Variants in ECE2 observed in about 807,000 individuals in gnomAD.
The protein encoded by ECE2 is endothelin converting enzyme 2.
ECE2 carries 81 observed loss-of-function variants against 100.6 expected under a neutral mutation model. The observed-to-expected ratio is 0.81, with a 90% CI of 0.67 to 0.97. The LOEUF is 0.97. ECE2 is among the 50% of genes least tolerant of loss of function. The pLI, the probability that ECE2 is intolerant of heterozygous loss-of-function variation, is 0.00. For missense variants in ECE2, 911 were observed against 988.1 expected (o/e 0.92, Z 1.05); for synonymous variants, 391 against 391.5 (o/e 1.00, Z 0.02).
chr3:184,289,473 G>C lies in ECE2; in HGVS notation c.1411G>C (p.Glu471Gln). ...GATCAGCGAAATCCGGACCGCATTT[G>C]AGGAGGCCCTGGGACAGCTGGTTTG... ...GMISEIRTAF[E>Q]EALGQLVWMD... Residue 471 changes from glutamate (E) to glutamine (Q), a missense_variant, in exon 12 of 19, where the codon GAG becomes CAG. By Grantham distance (29) the Glu-to-Gln change is conservative (BLOSUM62 2). Transcript: ENST00000404464. This position sits in a 1 kb window ranked among gnomAD's most constrained non-coding sequence, Gnocchi z 4.1. 1.2e-6 allele frequency: 2 copies of C among 1,611,638 alleles called. No homozygotes were observed. Among genetic ancestry groups the C allele is most frequent in the Non-Finnish European group, 1.7e-6 (2 of 1,179,038 alleles).
At chr3:184,287,447 T>G (rs1721106379) in intron 10 of ECE2, among the ~76,000 whole-genome samples, 1 of 152,112 alleles carries the variant, frequency 6.6e-6, no homozygotes, top group Non-Finnish European at 1.5e-5. Context: ...ATCCCAGCAC[T>G]TTGGGAGGCC....
At chr3:184,280,756 A>C (rs924905330) in intron 7 of ECE2, among the ~76,000 whole-genome samples, 2 of 152,148 alleles carry the variant, frequency 1.3e-5, no homozygotes, top group African/African-American at 4.8e-5. Context: ...AGGCAGGTGG[A>C]TCACTTGAGG....
chr3:184,278,103 G>C, intron 5 of ECE2, 54 bp downstream of exon 5: 1 of 1,613,402 alleles, frequency 6.2e-7, no homozygotes, highest in Non-Finnish European at 8.5e-7. Flanking sequence ...CTTGAGAGAG[G>C]AGATGGCCCA....
At chr3:184,278,929 T>G in intron 7 of ECE2, 3 of 228,350 alleles carry the variant, frequency 1.3e-5, no homozygotes, top group Admixed American at 5.1e-5. Flanking sequence ...AGGAGAGACT[T>G]AGGGAGCCAG....
rs750168567 is a variant in ECE2 at position 184,285,448 on chromosome 3, C to G, written c.1149-30C>G. The G allele has an allele frequency of 2.6e-6, 4 of 1,549,024 alleles. No homozygotes were observed. The Admixed American group carries it at 6.7e-5, about 26-fold the overall frequency. On this transcript the variant is annotated intron_variant, in intron 9 of 18. Coordinates refer to ENST00000404464, the MANE Select transcript of ECE2 (RefSeq NM_001100121.2). ...GGGGTGTGAAGGGCATCCCACCTGC[C>G]CTTTTCTTATTTTCTGGTCTGGTTG...
rs752448933 is a variant in ECE2, at chr3:184,289,662, A to G, written c.1495A>G (p.Ile499Val). 1 of 1,613,722 alleles carries G rather than the reference A, an allele frequency of 6.2e-7. No homozygotes were observed. The highest frequency in any genetic ancestry group is 1.7e-5 in the Admixed American group (1 of 59,966). Residue 499 changes from isoleucine (I) to valine (V), a missense_variant, in exon 13 of 19, where the codon ATT becomes GTT. By Grantham distance (29) the Ile-to-Val change is conservative. Transcript: ENST00000404464. The surrounding 1 kb of genome is among the most constrained non-coding windows in gnomAD (Gnocchi z 4.1). Reference protein sequence around the residue: ...KEKADAIYDMIGFPDFILEPK... With the variant: ...KEKADAIYDMVGFPDFILEPK... ...TCAGGCAGATGCCATCTATGATATG[A>G]TTGGTTTCCCAGACTTTATCCTGGA...
intron 10 of ECE2, among the ~76,000 whole-genome samples, chr3:184,286,613 G>A (rs1721044098): frequency 6.6e-6 from 1 of 151,808 alleles, no homozygotes; most frequent in South Asian, 2.1e-4. Context: ...GACCAGCCTT[G>A]CCAACACGGT....
At chr3:184,276,387 G>C in intron 1 of ECE2, 94 bp from the exon 2 acceptor site, 1 of 1,491,740 alleles carries the variant, frequency 6.7e-7, no homozygotes, top group South Asian at 1.2e-5. Flanking sequence ...TTAGCAGGGC[G>C]GAGGGGTCCG....
Position 184,290,791 on chromosome 3 carries a change from A to G in ECE2, c.1767-2A>G. ...CCTCACTTGCTATTCCTCACCCACC[A>G]GGGCCCTGAACTTCGGTGGCATCGG... is the stretch of plus-strand genomic sequence containing the variant. On this transcript the variant is annotated splice_acceptor_variant, in intron 15 of 18. Coordinates refer to ENST00000404464, the MANE Select transcript of ECE2 (RefSeq NM_001100121.2). LOFTEE classifies it high-confidence loss of function. 1.2e-6 allele frequency: 2 copies of G among 1,614,148 alleles called. No homozygotes were observed. The highest frequency in any genetic ancestry group is 1.7e-6 in the Non-Finnish European group (2 of 1,180,008).
intron 1 of ECE2, 61 bp from the exon 2 acceptor site, chr3:184,276,420 G>C: frequency 1.3e-6 from 2 of 1,558,528 alleles, no homozygotes; most frequent in Non-Finnish European, 1.7e-6. Flanking sequence ...CACTGGGGCA[G>C]GGTCGTGGGC....
At chr3:184,290,523 C>T (rs367731661) in intron 14 of ECE2, 34 bp from the exon 15 acceptor site, 158 of 1,599,970 alleles carry the variant, frequency 9.9e-5, no homozygotes, top group South Asian at 1.2e-4. Context: ...TCAGGAGAGT[C>T]GGGAGCCTCA....
rs2108433659 is a variant in ECE2, at chr3:184,290,792, G to T, written c.1767-1G>T. 6.2e-7 allele frequency: 1 copy of T among 1,614,166 alleles called. No homozygotes were observed. The highest frequency in any genetic ancestry group is 2.2e-5 in the East Asian group (1 of 44,870). On this transcript the variant is annotated splice_acceptor_variant, in intron 15 of 18. Transcript: ENST00000404464. LOFTEE classifies it high-confidence loss of function. ...CTCACTTGCTATTCCTCACCCACCAGGGCCCTGAACTTCGGTGGCATCGGT... is the reference window on the plus strand; with the variant it reads ...CTCACTTGCTATTCCTCACCCACCATGGCCCTGAACTTCGGTGGCATCGGT...
intron 7 of ECE2, among the ~76,000 whole-genome samples, chr3:184,283,581 A>G (rs1720897568): frequency 6.7e-6 from 1 of 149,074 alleles, no homozygotes; most frequent in African/African-American, 2.5e-5. Context: ...AAAAAAAAAA[A>G]AAAAAAAAAA....
At position 184,291,985 on chromosome 3, in the gene ECE2, T is replaced by G; in HGVS notation, c.2122-77T>G. ...CTGCAGCGGTGGTGGTTTGTGCCCC[T>G]GGGATGGCTGTAGCTGACTCTAAGG... On this transcript the variant is annotated intron_variant, in intron 18 of 18. Transcript: ENST00000404464. This position sits in a 1 kb window ranked among gnomAD's most constrained non-coding sequence, Gnocchi z 4.1. 6.6e-7 allele frequency: 1 copy of G among 1,511,184 alleles called. No homozygotes were observed. The highest frequency in any genetic ancestry group is 9.0e-7 in the Non-Finnish European group (1 of 1,116,532). The allele number at this position is 1,511,184 out of a possible 1,614,324, so 93.6% of individuals were successfully genotyped here. A position where few individuals can be genotyped will look rare whatever the true frequency, so the allele number is the denominator to read the frequency against.
At chr3:184,276,829 C>G (rs1261656649) in intron 2 of ECE2, 63 bp from the exon 3 acceptor site, 1 of 1,599,790 alleles carries the variant, frequency 6.3e-7, no homozygotes, top group Non-Finnish European at 8.5e-7. Flanking sequence ...TGGCTTCACC[C>G]TCTGGTAATC....
At chr3:184,276,857 A>C in intron 2 of ECE2, 35 bp from the exon 3 acceptor site, 1 of 1,610,274 alleles carries the variant, frequency 6.2e-7, no homozygotes, top group African/African-American at 1.3e-5. Context: ...CCTGCCCTGC[A>C]TCTCAGTCAC....
Position 184,276,101 on chromosome 3 carries a change from G to A in ECE2, c.-53G>A, listed in dbSNP as rs1720530273. The A allele has an allele frequency of 7.9e-7, 1 of 1,267,910 alleles. No homozygotes were observed. Among genetic ancestry groups the A allele is most frequent in the South Asian group, 2.9e-5 (1 of 34,394 alleles). 78.5% of individuals were successfully genotyped at this position (1,267,910 alleles called of 1,614,324 possible). ...GGGCAGGGGACCGGGGCCGCGGCCC[G>A]GGAGCGGGCCAGCTGCCGGGAGCCC... On this transcript the variant is annotated 5_prime_UTR_variant, in exon 1 of 19. Transcript: ENST00000404464.
chr3:184,289,299 CA>C lies in ECE2; in HGVS notation c.1375-137del, dbSNP rs1278285760. 2.8e-6 allele frequency: 2 copies of C among 717,452 alleles called. No homozygotes were observed. The highest frequency in any genetic ancestry group is 4.7e-6 in the Non-Finnish European group (2 of 425,990). 44.4% of individuals were successfully genotyped at this position (717,452 alleles called of 1,614,324 possible). On this transcript the variant is annotated intron_variant, in intron 11 of 18. Coordinates refer to ENST00000404464, the MANE Select transcript of ECE2 (RefSeq NM_001100121.2). This position sits in a 1 kb window ranked among gnomAD's most constrained non-coding sequence, Gnocchi z 4.1. Reference sequence around the variant, plus strand: ...AATGGTGTTTCCTTCTCATCGTCTCCAGGTGCTCAGCCGTATTTCTTTAGTC... The same window carrying C: ...AATGGTGTTTCCTTCTCATCGTCTCCGGTGCTCAGCCGTATTTCTTTAGTC...
chr3:184,278,447 T>C (rs1314072134), intron 6 of ECE2, 45 bp from the exon 7 acceptor site: 1 of 1,600,090 alleles, frequency 6.2e-7, no homozygotes. Context: ...CAGGTTCCCA[T>C]GGTGGGGAAA....
Sources: gnomAD v4.1 joint callset for allele counts (sites outside exome capture counted in the v4.1 genomes callset) on GRCh38, gnomAD v4.1.1 for gene constraint, Gnocchi (gnomAD v3.1) non-coding constraint, MANE v1.5 for transcripts, NCBI Gene and HGNC (gene_info 2026-07-23, HGNC 2026-07-21) for gene names.